The following TACC1 variants were observed in gnomAD, a reference collection of about 807,000 sequenced individuals.
TACC1 encodes the protein transforming acidic coiled-coil containing protein 1.
In TACC1, 48 loss-of-function variants were observed where a neutral mutation model predicts 84.4. The ratio of observed to expected loss-of-function variants is 0.57; its 90% CI spans 0.45 to 0.72. TACC1 has a LOEUF of 0.72. Among genes scored for constraint, TACC1 ranks in the 30% least tolerant of loss-of-function variants. TACC1 has a pLI of 0.00. For missense variants in TACC1, 920 were observed against 973.0 expected, an observed-to-expected ratio of 0.95 and a Z score of 0.72; for synonymous variants, 372 against 376.3, an observed-to-expected ratio of 0.99 and a Z score of 0.13.
intron 7 of TACC1, among the ~76,000 whole-genome samples, 190 bp downstream of exon 7, chr8:38,836,477 G>T (rs1417403692): frequency 6.6e-6 from 1 of 152,036 alleles, no homozygotes; most frequent in African/African-American, 2.4e-5. Context: ...TGGTCTCCAG[G>T]GTAAAATGTT....
chr8:38,812,211 G>A (rs7812692), intron 2 of TACC1, among the ~76,000 whole-genome samples: 1,907 of 152,196 alleles, frequency 0.013, 39 homozygotes, highest in African/African-American at 0.043. Context: ...TAATTTTGCC[G>A]TTTGCCTTGT....
At position 38,825,296 on chromosome 8, in the gene TACC1, T is replaced by A. The variant is rs1464760326; in HGVS notation, c.1392-12T>A. ...TTGCAAACTGGCTTGTTTGTGTTTCTTCTCTTTCCAGGAGTGGCTGTAAGG... is the reference window on the plus strand; with the variant it reads ...TTGCAAACTGGCTTGTTTGTGTTTCATCTCTTTCCAGGAGTGGCTGTAAGG... On this transcript the variant is annotated splice_polypyrimidine_tract_variant and intron_variant, in intron 3 of 12. Transcript: ENST00000317827. The A allele has an allele frequency of 6.2e-7, 1 of 1,614,158 alleles. No homozygotes were observed. The highest frequency in any genetic ancestry group is 1.1e-5 in the South Asian group (1 of 91,088).
intron 6 of TACC1, among the ~76,000 whole-genome samples, chr8:38,832,281 G>A (rs984713484): frequency 3.3e-5 from 5 of 152,220 alleles, no homozygotes; most frequent in Admixed American, 1.3e-4. Flanking sequence ...ACACTGTTGT[G>A]TTAGAATACA....
chr8:38,747,440 G>T (rs778749091), intron 3 of TACC1, among the ~76,000 whole-genome samples: 33 of 152,278 alleles, frequency 2.2e-4, no homozygotes, highest in Non-Finnish European at 4.3e-4. Context: ...ATTGCCAAAA[G>T]CTGGAAGCAA....
intron 2 of TACC1, among the ~76,000 whole-genome samples, chr8:38,804,886 A>G (rs1387018231): frequency 6.6e-6 from 1 of 152,186 alleles, no homozygotes; most frequent in Non-Finnish European, 1.5e-5. Context: ...TTATGAAGTT[A>G]ACATTTGTGA....
intron 3 of TACC1, among the ~76,000 whole-genome samples, chr8:38,764,944 C>T (rs1488479547): frequency 6.6e-6 from 1 of 152,044 alleles, no homozygotes; most frequent in East Asian, 1.9e-4. Flanking sequence ...ACTAAAAATA[C>T]AAAAATTAGC....
chr8:38,737,224 C>T (rs561155824), intron 1 of TACC1, among the ~76,000 whole-genome samples: 1 of 152,304 alleles, frequency 6.6e-6, no homozygotes, highest in Admixed American at 6.5e-5. Context: ...CCCTATCACG[C>T]CTTCCCACCA....
At chr8:38,808,326 T>C (rs1403544441) in intron 2 of TACC1, among the ~76,000 whole-genome samples, 1 of 152,260 alleles carries the variant, frequency 6.6e-6, no homozygotes, top group East Asian at 1.9e-4. Context: ...TATGGGAGAT[T>C]GGGACCTGGA....
intron 3 of TACC1, among the ~76,000 whole-genome samples, chr8:38,757,685 G>C (rs1010918346): frequency 6.6e-6 from 1 of 152,026 alleles, no homozygotes; most frequent in Non-Finnish European, 1.5e-5. Flanking sequence ...GGGAGACAAG[G>C]GGACCCCGGC....
chr8:38,816,902 C>T (rs763705797), intron 2 of TACC1, among the ~76,000 whole-genome samples: 5 of 152,132 alleles, frequency 3.3e-5, no homozygotes, highest in Admixed American at 2.6e-4. Context: ...GGAGTGGGGA[C>T]GGTGCTGAAA....
upstream of TACC1, among the ~76,000 whole-genome samples, chr8:38,782,605 A>G: frequency 6.6e-6 from 1 of 152,232 alleles, no homozygotes; most frequent in Non-Finnish European, 1.5e-5. Flanking sequence ...ATCTGAGTTC[A>G]ACAGAAGGAA....
At chr8:38,830,454 T>C (rs7839310) in intron 5 of TACC1, among the ~76,000 whole-genome samples, 52,338 of 152,044 alleles carry the variant, frequency 0.34, 9,534 homozygotes, top group Non-Finnish European at 0.42. Context: ...TTTGTATTTT[T>C]AGTAGATGAG....
At chr8:38,749,880 G>A (rs1402514903) in intron 3 of TACC1, among the ~76,000 whole-genome samples, 3 of 152,198 alleles carry the variant, frequency 2.0e-5, no homozygotes, top group Admixed American at 6.5e-5. Flanking sequence ...GTAAGCCACC[G>A]CGCCTGGCCA....
intron 3 of TACC1, among the ~76,000 whole-genome samples, chr8:38,767,817 C>T (rs1812535291): frequency 6.6e-6 from 1 of 152,170 alleles, no homozygotes; most frequent in Non-Finnish European, 1.5e-5. Context: ...GTAATCCCAA[C>T]ACTTTGGGAG....
In TACC1 at chr8:38,787,385, G is replaced by C; in HGVS notation, c.-198G>C. ...GGCCGCACCGTGAGGGGAGGAGGCC[G>C]AGGAGGACGCAGCGCCGGCTGCCGG... On this transcript the variant is annotated 5_prime_UTR_variant, in exon 1 of 13. Transcript: ENST00000317827. 2 of 1,352,204 alleles carry C rather than the reference G, an allele frequency of 1.5e-6. No individual in the cohort carries two copies. The highest frequency in any genetic ancestry group is 7.9e-5 in the Admixed American group (2 of 25,236). The allele number at this position is 1,352,204 out of a possible 1,614,324, so 83.8% of individuals were successfully genotyped here. A position where few individuals can be genotyped will look rare whatever the true frequency, so the allele number is the denominator to read the frequency against.
rs1809330582 is a variant in TACC1 at position 38,753,042 on chromosome 8, T to C, written c.26+7549T>C. ...TTAATAACTTTCATCAGAGCATAAA[T>C]TGTGATTGCATAATAACTATTCATA... On this transcript the variant is annotated intron_variant, in intron 3 of 14. Coordinates refer to the TACC1 transcript ENST00000518415. 2.0e-5 allele frequency among the ~76,000 whole-genome samples: 3 copies of C among 152,130 alleles called. No homozygotes were observed. The South Asian group carries it at 6.2e-4, about 32-fold the overall frequency.
At chr8:38,785,797 C>T (rs1004013034), upstream of TACC1, 2 of 804,464 alleles carry the variant, frequency 2.5e-6, no homozygotes, top group Non-Finnish European at 3.0e-6. Context: ...TCACATGGAC[C>T]TCCTGCCTAG....
intron 3 of TACC1, among the ~76,000 whole-genome samples, chr8:38,764,920 G>A (rs879339159): frequency 7.9e-5 from 12 of 152,126 alleles, no homozygotes; most frequent in African/African-American, 1.9e-4. Context: ...CCGACGTTGC[G>A]AAACCCTGTC....
chr8:38,812,180 A>G (rs1454608981), intron 2 of TACC1, among the ~76,000 whole-genome samples: 1 of 152,190 alleles, frequency 6.6e-6, no homozygotes, highest in Non-Finnish European at 1.5e-5. Context: ...ATAGCTGAAC[A>G]TAGACTCTCA....
Sources: gnomAD v4.1 joint callset for allele counts (sites outside exome capture counted in the v4.1 genomes callset) on GRCh38, gnomAD v4.1.1 for gene constraint, MANE v1.5 for transcripts, NCBI Gene and HGNC (gene_info 2026-07-23, HGNC 2026-07-21) for gene names.